ZNF277: variants seen among roughly 807,000 people sequenced by gnomAD.
The protein encoded by ZNF277 is nuclear receptor-interacting factor 4.
Under a neutral mutation model 60.7 loss-of-function variants are expected in ZNF277, and 55 were observed. The ratio of observed to expected loss-of-function variants is 0.91; its 90% CI spans 0.73 to 1.13. The LOEUF is 1.13. Among genes scored for constraint, ZNF277 ranks in the 50% most tolerant of loss-of-function variants. The pLI is 0.00. For synonymous variants in ZNF277, 178 were observed against 179.3 expected (o/e 0.99, Z 0.06); for missense variants, 510 against 523.0 (o/e 0.98, Z 0.24).
intron 1 of ZNF277, among the ~76,000 whole-genome samples, chr7:112,268,229 G>A (rs10263624): frequency 0.058 from 8,749 of 151,838 alleles, 673 homozygotes; most frequent in African/African-American, 0.18. Context: ...TAGGGGGAAA[G>A]TATACCATAT....
chr7:112,215,944 C>T lies in ZNF277; in HGVS notation c.91+9137C>T, dbSNP rs573471057. ...ATTAGAAAAGAAAATATCCTGTACCCGCTAATCGTAATTACCATTATAAAG... is the reference window on the plus strand; with the variant it reads ...ATTAGAAAAGAAAATATCCTGTACCTGCTAATCGTAATTACCATTATAAAG... On this transcript the variant is annotated intron_variant, in intron 1 of 11. Coordinates refer to ENST00000361822, the MANE Select transcript of ZNF277 (RefSeq NM_021994.3). 5.3e-5 allele frequency among the ~76,000 whole-genome samples: 8 copies of T among 152,254 alleles called. No individual in the cohort carries two copies. In the South Asian group the frequency reaches 1.2e-3, roughly 24 times the overall value.
intron 1 of ZNF277, among the ~76,000 whole-genome samples, chr7:112,221,468 C>T (rs184561411): frequency 2.4e-4 from 37 of 152,252 alleles, no homozygotes; most frequent in Admixed American, 1.7e-3. Context: ...GGACTGGTTT[C>T]GTGGAAGACA....
intron 1 of ZNF277, among the ~76,000 whole-genome samples, chr7:112,270,720 A>G (rs2117037743): frequency 6.6e-6 from 1 of 152,186 alleles, no homozygotes; most frequent in African/African-American, 2.4e-5. Flanking sequence ...ACCTATAGAA[A>G]AGGTAATATG....
At chr7:112,212,151 G>A (rs895628833) in intron 1 of ZNF277, among the ~76,000 whole-genome samples, 3 of 152,150 alleles carry the variant, frequency 2.0e-5, no homozygotes, top group African/African-American at 7.2e-5. Flanking sequence ...TTTTAATGTT[G>A]TTTAAATAAT....
chr7:112,277,077 ATTTTTT>A (rs59902516), intron 1 of ZNF277, among the ~76,000 whole-genome samples: 11 of 104,476 alleles, frequency 1.1e-4, no homozygotes, highest in Admixed American at 5.9e-4. Context: ...GAATCTGTTG[ATTTTTT>A]TTTTTTTTTT....
intron 1 of ZNF277, among the ~76,000 whole-genome samples, chr7:112,284,860 T>C (rs1424822122): frequency 6.6e-6 from 1 of 152,170 alleles, no homozygotes; most frequent in Non-Finnish European, 1.5e-5. Flanking sequence ...GTAAACCCTG[T>C]ACATTCTCCA....
At chr7:112,245,176 G>C (rs1276259071) in intron 1 of ZNF277, among the ~76,000 whole-genome samples, 3 of 152,004 alleles carry the variant, frequency 2.0e-5, no homozygotes, top group Non-Finnish European at 4.4e-5. Context: ...TGGATATTTT[G>C]GCTCATGGAC....
chr7:112,277,330 C>T (rs1236153461), intron 1 of ZNF277, among the ~76,000 whole-genome samples: 1 of 152,140 alleles, frequency 6.6e-6, no homozygotes, highest in Admixed American at 6.5e-5. Flanking sequence ...GATCTGCCCA[C>T]CTCAGCCTTC....
chr7:112,225,209 G>A (rs1822144459), intron 1 of ZNF277, among the ~76,000 whole-genome samples: 1 of 152,182 alleles, frequency 6.6e-6, no homozygotes, highest in African/African-American at 2.4e-5. Flanking sequence ...ATTGGCTTGA[G>A]GCTGGAACAG....
intron 1 of ZNF277, among the ~76,000 whole-genome samples, chr7:112,270,946 A>ACCATCCAGAAAT (rs142672583): frequency 0.13 from 19,538 of 151,970 alleles, 1,335 homozygotes; most frequent in East Asian, 0.16. Flanking sequence ...TATCCCAGCC[A>ACCATCCAGAAAT]TACATTAGAA....
chr7:112,232,572 A>T (rs548138612), intron 1 of ZNF277, among the ~76,000 whole-genome samples: 30 of 152,316 alleles, frequency 2.0e-4, no homozygotes, highest in African/African-American at 7.0e-4. Context: ...ATTGAAAGGT[A>T]TTATAGCAAG....
At chr7:112,336,068 C>G in intron 7 of ZNF277, 36 bp from the exon 8 acceptor site, 1 of 1,563,934 alleles carries the variant, frequency 6.4e-7, no homozygotes, top group Non-Finnish European at 8.7e-7. Context: ...TTCTCTTTCC[C>G]CCAATGTCTC....
intron 1 of ZNF277, among the ~76,000 whole-genome samples, chr7:112,223,642 T>C (rs948605536): frequency 2.0e-5 from 3 of 152,180 alleles, no homozygotes; most frequent in Non-Finnish European, 4.4e-5. Context: ...CACTGGGGTT[T>C]TAGAAACTCC....
chr7:112,270,469 G>A (rs1371262764), intron 1 of ZNF277, among the ~76,000 whole-genome samples: 1 of 152,052 alleles, frequency 6.6e-6, no homozygotes, highest in East Asian at 1.9e-4. Flanking sequence ...TTTTAATAAT[G>A]AGAAAGCTCG....
chr7:112,285,844 C>T (rs1432204175), intron 1 of ZNF277, among the ~76,000 whole-genome samples: 2 of 152,052 alleles, frequency 1.3e-5, no homozygotes, highest in Non-Finnish European at 2.9e-5. Flanking sequence ...GAAACTTTAA[C>T]GGGAGAACTA....
chr7:112,338,182 G>A (rs1343353310), intron 9 of ZNF277, among the ~76,000 whole-genome samples: 1 of 152,186 alleles, frequency 6.6e-6, no homozygotes, highest in Non-Finnish European at 1.5e-5. Flanking sequence ...CATTTACAAA[G>A]GTCCCGGAGG....
chr7:112,324,260 G>A, intron 5 of ZNF277, among the ~76,000 whole-genome samples: 1 of 152,052 alleles, frequency 6.6e-6, no homozygotes, highest in East Asian at 1.9e-4. Flanking sequence ...TTATAATAAA[G>A]GTTTGAATAT....
intron 4 of ZNF277, among the ~76,000 whole-genome samples, chr7:112,296,908 A>ATTTATTTATTTTTTTTTT (rs1792356183): frequency 2.7e-5 from 1 of 37,186 alleles, no homozygotes; most frequent in Non-Finnish European, 4.7e-5. Context: ...TTATTTATTT[A>ATTTATTTATTTTTTTTTT]TTTATTTTTT....
At chr7:112,261,550 A>G (rs1008925193) in intron 1 of ZNF277, among the ~76,000 whole-genome samples, 5 of 152,094 alleles carry the variant, frequency 3.3e-5, no homozygotes, top group South Asian at 2.1e-4. Flanking sequence ...TTGATGATGG[A>G]AAAAATACTC....
Sources: allele counts gnomAD v4.1 joint callset (sites outside exome capture counted in the v4.1 genomes callset), GRCh38; gene constraint gnomAD v4.1.1; transcripts MANE v1.5; gene names NCBI Gene and HGNC (gene_info 2026-07-23, HGNC 2026-07-21).